Variants in PKD1 observed in about 807,000 individuals in gnomAD.
The protein encoded by PKD1 is polycystin 1, transient receptor potential channel interacting, also known as polycystin-1.
PKD1 carries 81 observed loss-of-function variants against 361.7 expected under a neutral mutation model. The observed-to-expected ratio is 0.22, with a 90% CI of 0.19 to 0.27. PKD1 has a LOEUF of 0.27. Among genes scored for constraint, PKD1 ranks in the 10% least tolerant of loss-of-function variants. PKD1 has a pLI of 1.00. For missense variants in PKD1, 6,399 were observed against 6,118.3 expected (o/e 1.05, Z -1.53); for synonymous variants, 3,615 against 2,818.3 (o/e 1.28, Z -8.95).
At chr16:2,098,852 A>C (rs1264413900) in intron 30 of PKD1, 4 of 96,430 alleles carry the variant, frequency 4.1e-5, no homozygotes, top group African/African-American at 1.6e-4. Flanking sequence ...TTTTTTGGAG[A>C]TGGAGTCTTG....
chr16:2,135,064 C>G (rs1207939786), intron 1 of PKD1: 6 of 970,390 alleles, frequency 6.2e-6, no homozygotes, highest in Non-Finnish European at 6.1e-6. Flanking sequence ...CCAATTCTTG[C>G]ACATCCATCA....
At position 2,092,582 on chromosome 16, in the gene PKD1, G is replaced by A. The variant is rs1486348532; in HGVS notation, c.11167C>T (p.Leu3723Phe). The A allele has an allele frequency of 6.2e-7, 1 of 1,609,412 alleles. No individual in the cohort carries two copies. Among genetic ancestry groups the A allele is most frequent in the Admixed American group, 1.7e-5 (1 of 59,868 alleles). ...AGCACGTGGGCCATCCATGGCCAGAGCTCCTCAGACCTGCCACAGCATCAG... is the reference window on the plus strand; with the variant it reads ...AGCACGTGGGCCATCCATGGCCAGAACTCCTCAGACCTGCCACAGCATCAG... ...AFLAITRSEE[L>F]WPWMAHVLLP... is the part of the protein sequence containing the mutation. Residue 3723 changes from leucine (L) to phenylalanine (F), a missense_variant, in exon 39 of 46, where the codon CTC (leucine) becomes TTC (phenylalanine). Coordinates refer to ENST00000262304, the MANE Select transcript of PKD1 (RefSeq NM_001009944.3).
Position 2,104,538 on chromosome 16 carries a change from C to T in PKD1, c.8121G>A (p.Val2707=), listed in dbSNP as rs1002789986. 8.2e-6 allele frequency: 13 copies of T among 1,579,142 alleles called. No homozygotes were observed. Among genetic ancestry groups the T allele is most frequent in the Admixed American group, 1.8e-5 (1 of 56,716 alleles). ...ILQAETTAGT[V]TPTAIGDSIL... Reference sequence around the variant, plus strand: ...TGCTGTCTCCGATGGCGGTGGGCGTCACGGTGCCCGCGGTGGTCTCTGCCT... The same window carrying T: ...TGCTGTCTCCGATGGCGGTGGGCGTTACGGTGCCCGCGGTGGTCTCTGCCT... Residue 2707 remains valine, a synonymous_variant, in exon 22 of 46, where the codon GTG becomes GTA. Transcript: ENST00000262304.
chr16:2,131,495 G>A (rs2092879132), intron 1 of PKD1, among the ~76,000 whole-genome samples: 1 of 150,496 alleles, frequency 6.6e-6, no homozygotes, highest in Non-Finnish European at 1.5e-5. Flanking sequence ...GCAACAGAGT[G>A]AGACTCCATC....
At position 2,094,326 on chromosome 16, in the gene PKD1, G is replaced by A. The variant is rs555846377; in HGVS notation, c.10500-116C>T. The A allele has an allele frequency of 2.6e-4, 188 of 728,508 alleles. 1 individual carries two copies. The South Asian group carries it at 2.7e-3, about 10-fold the overall frequency. The allele number at this position is 728,508 out of a possible 1,614,324, so 45.1% of individuals were successfully genotyped here. On this transcript the variant is annotated intron_variant, in intron 34 of 45. Coordinates refer to ENST00000262304, the MANE Select transcript of PKD1 (RefSeq NM_001009944.3). The stretch of plus-strand genomic sequence containing the variant: ...GCCTCTTGGGTCACAGGGTCCCCCC[G>A]ACAAAAAGCCGGAAGACCCTACCCC...
At position 2,135,728 on chromosome 16, in the gene PKD1, C is replaced by A. The variant is rs2092942602; in HGVS notation, c.-39G>T. The A allele has an allele frequency of 8.3e-6, 8 of 958,742 alleles. No homozygotes were observed. The South Asian group carries it at 3.4e-4, about 40-fold the overall frequency. The allele number at this position is 958,742 out of a possible 1,614,324, so 59.4% of individuals were successfully genotyped here. A position where few individuals can be genotyped will look rare whatever the true frequency, so the allele number is the denominator to read the frequency against. On this transcript the variant is annotated 5_prime_UTR_variant, in exon 1 of 46. Transcript: ENST00000262304. ...CGCGCATGGCCCCGCCGTCCCCAGG[C>A]CCGCCCGCGCGCGGAGGCCGCAGCT...
Position 2,113,141 on chromosome 16 carries a change from C to A in PKD1, c.2985+20G>T, listed in dbSNP as rs1040256336. ...CCTGCCCCGCCCCATCCCCTCCCCT[C>A]CCCACCCCCGCCCACCTACTGAGAG... On this transcript the variant is annotated intron_variant, in intron 12 of 45. Coordinates refer to ENST00000262304, the MANE Select transcript of PKD1 (RefSeq NM_001009944.3). The A allele has an allele frequency of 4.2e-6, 3 of 722,456 alleles. No individual in the cohort carries two copies. The African/African-American group carries it at 5.3e-5, about 13-fold the overall frequency. The allele number at this position is 722,456 out of a possible 1,614,324, so 44.8% of individuals were successfully genotyped here.
In PKD1 at chr16:2,110,207, C is replaced by G. The variant is rs775109134; in HGVS notation, c.4960G>C (p.Ala1654Pro). 2.5e-6 allele frequency: 4 copies of G among 1,611,774 alleles called. No individual in the cohort carries two copies. Among genetic ancestry groups the G allele is most frequent in the South Asian group, 2.2e-5 (2 of 91,024 alleles). ...FPTNHTVQLQ[A>P]VVRDGTNVSY... ...ACGTTGGTGCCATCCCTAACCACGG[C>G]CTGCAGCTGTACCGTGTGGTTGGTG... The change falls in exon 15 of 46, where the codon GCC becomes CCC. Residue 1654 changes from alanine to proline, a missense_variant. Physicochemically the swap from Ala to Pro is conservative, Grantham distance 27. Coordinates refer to ENST00000262304, the MANE Select transcript of PKD1 (RefSeq NM_001009944.3).
Position 2,109,040 on chromosome 16 carries a change from A to G in PKD1, c.6127T>C (p.Phe2043Leu), listed in dbSNP as rs2092434212. Residue 2043 changes from phenylalanine to leucine, a missense_variant, in exon 15 of 46, where the codon TTC (phenylalanine) becomes CTC (leucine). Physicochemically the swap from Phe to Leu is conservative, Grantham distance 22 (BLOSUM62 0). Coordinates refer to ENST00000262304, the MANE Select transcript of PKD1 (RefSeq NM_001009944.3). Reference sequence around the variant, plus strand: ...CGGTTCTCACTGCCCAGGGCGTTGAAGGCGCGCACCTGGATCTCCAACAGC... The same window carrying G: ...CGGTTCTCACTGCCCAGGGCGTTGAGGGCGCGCACCTGGATCTCCAACAGC... ...AGLLEIQVRA[F>L]NALGSENRTL... 1 of 1,608,544 alleles carries G rather than the reference A, an allele frequency of 6.2e-7. No homozygotes were observed. The highest frequency in any genetic ancestry group is 1.3e-5 in the African/African-American group (1 of 74,974).
intron 1 of PKD1, among the ~76,000 whole-genome samples, chr16:2,127,943 T>G (rs567940411): frequency 1.1e-4 from 2 of 18,776 alleles, no homozygotes; most frequent in South Asian, 3.6e-3. Context: ...GAGGGAGAGG[T>G]GGGAGGGGCT....
At position 2,089,538 on chromosome 16, in the gene PKD1, C is replaced by G. The variant is rs1256997317; in HGVS notation, c.*189G>C. On this transcript the variant is annotated 3_prime_UTR_variant, in exon 46 of 46. Coordinates refer to ENST00000262304, the MANE Select transcript of PKD1 (RefSeq NM_001009944.3). ...TTCCCAAGGGAGCTGGGGAGGGGAC[C>G]CTGGGTCCTGGTTGGCCACACAGCC... is the stretch of plus-strand genomic sequence containing the variant. 1.9e-5 allele frequency: 13 copies of G among 673,836 alleles called. No homozygotes were observed. Among genetic ancestry groups the G allele is most frequent in the Non-Finnish European group, 2.8e-5 (11 of 394,618 alleles). The allele number at this position is 673,836 out of a possible 1,614,324, so 41.7% of individuals were successfully genotyped here. A position where few individuals can be genotyped will look rare whatever the true frequency, so the allele number is the denominator to read the frequency against.
chr16:2,125,810 C>T (rs1308450828), intron 1 of PKD1, among the ~76,000 whole-genome samples: 2 of 152,046 alleles, frequency 1.3e-5, no homozygotes, highest in Non-Finnish European at 2.9e-5. Context: ...GCGTTGTGAC[C>T]CCCTTGCATC....
chr16:2,127,201 G>A (rs563988325), intron 1 of PKD1, among the ~76,000 whole-genome samples: 25 of 152,340 alleles, frequency 1.6e-4, no homozygotes, highest in African/African-American at 5.8e-4. Flanking sequence ...ACATCAGGGC[G>A]GGCACTGAGC....
intron 1 of PKD1, among the ~76,000 whole-genome samples, chr16:2,124,775 C>G (rs1012872231): frequency 6.6e-6 from 1 of 152,320 alleles, no homozygotes; most frequent in African/African-American, 2.4e-5. Context: ...CCGCGCTGGC[C>G]GCCTCACTGG....
chr16:2,114,562 C>G lies in PKD1; in HGVS notation c.2461G>C (p.Val821Leu). Residue 821 changes from valine (V) to leucine (L), a missense_variant, in exon 11 of 46, where the codon GTG (valine) becomes CTG (leucine). Coordinates refer to ENST00000262304, the MANE Select transcript of PKD1 (RefSeq NM_001009944.3). ...LSCSFDVVSPVAGLRVIYPAP... is the reference protein window; with the variant it reads ...LSCSFDVVSPLAGLRVIYPAP... ...GGGTAGATGACCCGCAGCCCAGCCA[C>G]TGGGGAGACCACGTCAAAGCTGCAG... The G allele has an allele frequency of 6.3e-7, 1 of 1,594,600 alleles. No individual in the cohort carries two copies. Among genetic ancestry groups the G allele is most frequent in the Non-Finnish European group, 8.5e-7 (1 of 1,179,014 alleles).
chr16:2,120,472 C>T (rs1341701511), intron 1 of PKD1, among the ~76,000 whole-genome samples: 1 of 152,144 alleles, frequency 6.6e-6, no homozygotes, highest in Admixed American at 6.6e-5. Flanking sequence ...TGCCTGTAAA[C>T]CCAGTGCTTT....
intron 1 of PKD1, among the ~76,000 whole-genome samples, chr16:2,121,955 C>G (rs1027535538): frequency 1.3e-5 from 2 of 152,272 alleles, no homozygotes; most frequent in African/African-American, 4.8e-5. Flanking sequence ...GAACACCCGC[C>G]CAGCCCCTGC....
In PKD1 at chr16:2,090,070, G is replaced by A. The variant is rs547854563; in HGVS notation, c.12569C>T (p.Ser4190Phe). The A allele has an allele frequency of 9.4e-5, 152 of 1,610,748 alleles. No individual in the cohort carries two copies. Among genetic ancestry groups the A allele is most frequent in the Middle Eastern group, 1.6e-4 (1 of 6,072 alleles). ...AGSDASHPST[S>F]SSQLDGLSVS... ...GCTCAGCCCATCCAGCTGGCTGGAG[G>A]AGGTGGAGGGGTGCGAGGCATCGGA... The change falls in exon 46 of 46, where the codon TCC becomes TTC. Residue 4190 changes from serine to phenylalanine, a missense_variant. Ser to Phe is a radical substitution (Grantham distance 155, BLOSUM62 -2). Transcript: ENST00000262304.
rs1292340722 is a variant in PKD1, at chr16:2,105,612, G to C, written c.7864-138C>G. 8 of 1,571,124 alleles carry C rather than the reference G, an allele frequency of 5.1e-6. No individual in the cohort carries two copies. The South Asian group carries it at 5.6e-5, about 11-fold the overall frequency. ...GGGCACTGACCCACAACACTGAGCT[G>C]TTTCTTCATGGGCAAAACAGGGTAA... On this transcript the variant is annotated intron_variant, in intron 20 of 45. Coordinates refer to ENST00000262304, the MANE Select transcript of PKD1 (RefSeq NM_001009944.3).
Sources: allele counts gnomAD v4.1 joint callset (sites outside exome capture counted in the v4.1 genomes callset), GRCh38; gene constraint gnomAD v4.1.1; transcripts MANE v1.5; gene names NCBI Gene and HGNC (gene_info 2026-07-23, HGNC 2026-07-21).